Variants in TTC34 observed in about 807,000 individuals in gnomAD.
TTC34 encodes tetratricopeptide repeat domain 34.
Under a neutral mutation model 40.7 loss-of-function variants are expected in TTC34, and 44 were observed. The ratio of observed to expected loss-of-function variants is 1.08; its 90% CI spans 0.85 to 1.39. The LOEUF (loss-of-function observed/expected upper bound fraction) is 1.39. TTC34 is among the 40% of genes most tolerant of loss of function. The probability of loss-of-function intolerance (pLI) is 0.00; values close to 1 mark genes in which losing one functional copy is unlikely to be tolerated. For synonymous variants in TTC34, 422 were observed against 398.6 expected, an observed-to-expected ratio of 1.06 and a Z score of -0.70; for missense variants, 884 against 838.0, an observed-to-expected ratio of 1.05 and a Z score of -0.68.
rs1570772217 is a variant in TTC34 at position 2,660,697 on chromosome 1, A to C, written c.2227-15134T>G. Among the ~76,000 whole-genome samples the C allele has an allele frequency of 2.4e-5, 2 of 83,728 alleles. 1 individual carries two copies. The highest frequency in any genetic ancestry group is 2.5e-4 in the Admixed American group (2 of 7,884). 54.9% of individuals were successfully genotyped at this position (83,728 alleles called of 152,430 possible). A position where few individuals can be genotyped will look rare whatever the true frequency, so the allele number is the denominator to read the frequency against. On this transcript the variant is annotated intron_variant, in intron 6 of 8. Coordinates refer to ENST00000401095, the Ensembl canonical transcript of TTC34. ...CCCAGGCGAGCATCTGACAGCCTGG[A>C]GCAGTGCCCACACCCCCAGGTGAGC...
intron 6 of TTC34, among the ~76,000 whole-genome samples, chr1:2,691,833 T>C (rs796199641): frequency 2.6e-4 from 8 of 30,754 alleles, no homozygotes; most frequent in South Asian, 1.3e-3. Flanking sequence ...CCCCCAGGTG[T>C]GCATGTGATG....
exon 3 of TTC34, chr1:2,789,975 C>G (rs370419315): frequency 2.5e-6 from 1 of 392,214 alleles, no homozygotes. Context: ...CCCGCCGCGT[C>G]CCCTGCCAGC....
exon 9 of TTC34, chr1:2,641,747 C>T (rs1459627838): frequency 1.3e-6 from 2 of 1,535,202 alleles, no homozygotes; most frequent in African/African-American, 2.7e-5. Context: ...AAGGGCCCGG[C>T]CAAACTCCTG....
chr1:2,681,094 G>T (rs1273819162), intron 6 of TTC34, among the ~76,000 whole-genome samples: 2 of 79,572 alleles, frequency 2.5e-5, no homozygotes, highest in Admixed American at 1.2e-4. Context: ...GCCTAGAGCA[G>T]TGCCCACACC....
intron 6 of TTC34, among the ~76,000 whole-genome samples, chr1:2,750,087 C>G (rs1413522182): frequency 2.1e-5 from 2 of 97,396 alleles, no homozygotes; most frequent in Admixed American, 1.0e-4. Context: ...AGGCACACCC[C>G]CAGTGAGCAT....
At chr1:2,677,929 G>T (rs1485546503) in intron 6 of TTC34, among the ~76,000 whole-genome samples, 1 of 13,246 alleles carries the variant, frequency 7.5e-5, no homozygotes, top group Non-Finnish European at 1.2e-4. Context: ...GCAGCACCCT[G>T]CACCCCCAGG....
intron 6 of TTC34, among the ~76,000 whole-genome samples, chr1:2,757,750 A>T (rs1333507933): frequency 2.8e-5 from 4 of 145,256 alleles, no homozygotes; most frequent in Admixed American, 2.7e-4. Context: ...CAGTACCCAC[A>T]CCCACAGGCG....
chr1:2,771,842 A>T lies in TTC34; in HGVS notation c.2226+11767T>A, dbSNP rs72468232. Among the ~76,000 whole-genome samples, 15 of 70,502 alleles carry T rather than the reference A, an allele frequency of 2.1e-4. No homozygotes were observed. In the South Asian group the frequency reaches 4.7e-3, roughly 22 times the overall value. 46.3% of individuals were successfully genotyped at this position (70,502 alleles called of 152,430 possible). A position where few individuals can be genotyped will look rare whatever the true frequency, so the allele number is the denominator to read the frequency against. On this transcript the variant is annotated intron_variant, in intron 6 of 8. Transcript: ENST00000401095. ...TCTGACAGCCTGGAGCAGCGCCCAC[A>T]CACTGAGGTGAGCATCTGACAGCCT... is the stretch of plus-strand genomic sequence containing the variant.
chr1:2,752,200 G>T (rs1641342083), intron 6 of TTC34, among the ~76,000 whole-genome samples: 1 of 119,266 alleles, frequency 8.4e-6, no homozygotes, highest in African/African-American at 3.7e-5. Flanking sequence ...GCCTGGAACA[G>T]AACCCACACC....
chr1:2,797,827 G>T (rs1643724466), intron 2 of TTC34, among the ~76,000 whole-genome samples: 1 of 151,982 alleles, frequency 6.6e-6, no homozygotes, highest in Non-Finnish European at 1.5e-5. Context: ...CAGTTCAGTT[G>T]CTCATCATGA....
At position 2,645,654 on chromosome 1, in the gene TTC34, T is replaced by G. The variant is rs765198242; in HGVS notation, c.2227-91A>C. ...AGTAGGAGGACTGGCTCTGTCTTTC[T>G]CATTCCCTGATCTTCTCCCTGGGGT... On this transcript the variant is annotated intron_variant, in intron 6 of 8. Transcript: ENST00000401095. The surrounding 1 kb of genome is among the most constrained non-coding windows in gnomAD (Gnocchi z 4.7). The G allele has an allele frequency of 4.0e-5, 53 of 1,310,848 alleles. No individual in the cohort carries two copies. Among genetic ancestry groups the G allele is most frequent in the Non-Finnish European group, 5.0e-5 (50 of 1,003,360 alleles). 81.2% of individuals were successfully genotyped at this position (1,310,848 alleles called of 1,614,324 possible). A position where few individuals can be genotyped will look rare whatever the true frequency, so the allele number is the denominator to read the frequency against.
At chr1:2,789,802 C>A (rs777497771) in exon 3 of TTC34, 48 of 482,626 alleles carry the variant, frequency 9.9e-5, no homozygotes, top group Non-Finnish European at 1.6e-4. Context: ...GCGCCCCCTG[C>A]TCCACTACCG....
chr1:2,641,662 ACG>A lies in TTC34; in HGVS notation c.2944_2945del (p.Arg982SerfsTer11). ...CCAGGCTCAGCAGCAGGCGACCCTGACGGCAGAAGTCCTCTGCCCGCCTTGGG... is the reference window on the plus strand; with the variant it reads ...CCAGGCTCAGCAGCAGGCGACCCTGAGCAGAAGTCCTCTGCCCGCCTTGGG... On this transcript the variant is annotated frameshift_variant, in exon 9 of 9. Coordinates refer to ENST00000401095, the Ensembl canonical transcript of TTC34. LOFTEE classifies it low-confidence loss of function (END_TRUNC). The A allele has an allele frequency of 6.5e-7, 1 of 1,535,376 alleles. No individual in the cohort carries two copies. Among genetic ancestry groups the A allele is most frequent in the Non-Finnish European group, 8.7e-7 (1 of 1,146,670 alleles).
intron 6 of TTC34, among the ~76,000 whole-genome samples, chr1:2,752,452 C>A (rs1641354069): frequency 2.6e-5 from 4 of 151,266 alleles, no homozygotes; most frequent in East Asian, 2.0e-4. Context: ...CACCCTGCAC[C>A]CCCAGGTGCG....
intron 6 of TTC34, among the ~76,000 whole-genome samples, chr1:2,759,722 G>T (rs1219601348): frequency 1.0e-4 from 2 of 19,064 alleles, no homozygotes; most frequent in Admixed American, 4.5e-4. Context: ...CCCACACCCC[G>T]AGGTGAACAT....
intron 6 of TTC34, among the ~76,000 whole-genome samples, chr1:2,692,909 AG>A (rs1640692377): frequency 2.0e-4 from 4 of 20,086 alleles, no homozygotes; most frequent in African/African-American, 2.2e-4. Context: ...CCCACACTGC[AG>A]GGCGAGCATC....
chr1:2,685,783 G>C (rs1265025308), intron 6 of TTC34, among the ~76,000 whole-genome samples: 4 of 144,782 alleles, frequency 2.8e-5, no homozygotes, highest in African/African-American at 1.1e-4. Flanking sequence ...CTGACAGCCT[G>C]GAACAGAACC....
Position 2,641,840 on chromosome 1 carries a change from AG to A in TTC34, c.2767del (p.Leu923TrpfsTer66). ...CAGGACAGACAGCGAACAGTAGCCC[AG>A]CGCCTGCCTGGGTTGCCCTGCGTCC... On this transcript the variant is annotated frameshift_variant, in exon 9 of 9. Coordinates refer to ENST00000401095, the Ensembl canonical transcript of TTC34. LOFTEE classifies it low-confidence loss of function (END_TRUNC). 1 of 1,525,038 alleles carries A rather than the reference AG, an allele frequency of 6.6e-7. No homozygotes were observed. The highest frequency in any genetic ancestry group is 8.8e-7 in the Non-Finnish European group (1 of 1,140,072). 94.5% of individuals were successfully genotyped at this position (1,525,038 alleles called of 1,614,324 possible).
intron 5 of TTC34, 106 bp from the exon 6 acceptor site, chr1:2,783,881 C>T (rs1643531533): frequency 2.6e-6 from 3 of 1,145,386 alleles, no homozygotes; most frequent in Non-Finnish European, 3.5e-6. Flanking sequence ...GCTTCAGGGC[C>T]TACCTTGGGG....
Sources: gnomAD v4.1 joint callset for allele counts (sites outside exome capture counted in the v4.1 genomes callset) on GRCh38, gnomAD v4.1.1 for gene constraint, Gnocchi (gnomAD v3.1) non-coding constraint, MANE v1.5 for transcripts, NCBI Gene and HGNC (gene_info 2026-07-23, HGNC 2026-07-21) for gene names.